ST18: variants seen among roughly 807,000 people sequenced by gnomAD.
ST18 encodes the protein suppression of tumorigenicity 18 protein.
In ST18, 50 loss-of-function variants were observed where a neutral mutation model predicts 110.0. The ratio of observed to expected loss-of-function variants is 0.45; its 90% CI spans 0.36 to 0.58. The LOEUF is 0.58. Among genes scored for constraint, ST18 ranks in the 20% least tolerant of loss-of-function variants. The pLI, the probability that ST18 is intolerant of heterozygous loss-of-function variation, is 0.00. For missense variants in ST18, 1,306 were observed against 1,280.1 expected (o/e 1.02, Z -0.31); for synonymous variants, 461 against 452.4 (o/e 1.02, Z -0.24).
intron 2 of ST18, among the ~76,000 whole-genome samples, chr8:52,247,518 TG>T (rs1405413597): frequency 6.6e-6 from 1 of 152,166 alleles, no homozygotes; most frequent in Non-Finnish European, 1.5e-5. Context: ...CCCGTAAGGA[TG>T]GGGGCAAAAT....
chr8:52,409,790 C>T (rs1374607600), upstream of ST18: 1 of 152,266 alleles, frequency 6.6e-6, no homozygotes, highest in South Asian at 2.1e-4. Flanking sequence ...GCTAACTTTG[C>T]TCTGTGTTAT....
chr8:52,385,461 G>A (rs577403813), intron 2 of ST18, among the ~76,000 whole-genome samples: 56 of 152,192 alleles, frequency 3.7e-4, no homozygotes, highest in African/African-American at 1.1e-3. Flanking sequence ...TTAGCTGGGC[G>A]TGATGGCAGG....
intron 2 of ST18, among the ~76,000 whole-genome samples, chr8:52,263,419 A>G (rs985485097): frequency 1.3e-5 from 2 of 152,184 alleles, no homozygotes; most frequent in African/African-American, 4.8e-5. Context: ...AATTTCACAG[A>G]ACATCTCTGA....
In ST18 at chr8:52,133,710, A is replaced by AATTATTATT. The variant is rs10547451; in HGVS notation, c.2301-418_2301-410dup. 4.4e-3 allele frequency among the ~76,000 whole-genome samples: 644 copies of AATTATTATT among 147,970 alleles called. 4 individuals carry two copies. The highest frequency in any genetic ancestry group is 0.014 in the African/African-American group (571 of 40,122). On this transcript the variant is annotated intron_variant, in intron 19 of 25. Coordinates refer to ENST00000689386, the MANE Select transcript of ST18 (RefSeq NM_001352837.2). ...TTTATGTAAAAAGAAAAGTTTTCCA[A>AATTATTATT]ATTATTATTATTATTATTATTATTA...
intron 8 of ST18, among the ~76,000 whole-genome samples, chr8:52,210,478 C>A (rs932784647): frequency 2.0e-5 from 3 of 151,756 alleles, no homozygotes; most frequent in Non-Finnish European, 4.4e-5. Context: ...GGCAACATAG[C>A]AAGACTCTGT....
chr8:52,353,082 C>T (rs1221561620), intron 2 of ST18, among the ~76,000 whole-genome samples: 1 of 152,136 alleles, frequency 6.6e-6, no homozygotes, highest in Non-Finnish European at 1.5e-5. Flanking sequence ...AGTGATCCAG[C>T]ATCAAGGGGT....
intron 2 of ST18, among the ~76,000 whole-genome samples, chr8:52,351,009 C>T (rs955845228): frequency 1.3e-5 from 2 of 152,108 alleles, no homozygotes; most frequent in Admixed American, 6.6e-5. Context: ...CGTGAGCCAC[C>T]GTGCCTGGCC....
chr8:52,137,395 T>C, intron 18 of ST18, 26 bp downstream of exon 18: 1 of 1,613,450 alleles, frequency 6.2e-7, no homozygotes, highest in Non-Finnish European at 8.5e-7. Context: ...CATGAAAATC[T>C]GACTGCACAT....
chr8:52,165,072 A>T, intron 12 of ST18, 63 bp downstream of exon 12: 1 of 1,505,916 alleles, frequency 6.6e-7, no homozygotes, highest in Non-Finnish European at 9.2e-7. Context: ...CCATTATTTT[A>T]TTGGTGGAAC....
intron 8 of ST18, among the ~76,000 whole-genome samples, chr8:52,186,779 AG>A (rs1412065374): frequency 1.3e-5 from 2 of 152,360 alleles, no homozygotes; most frequent in Non-Finnish European, 2.9e-5. Flanking sequence ...CATATGGTTG[AG>A]TCAAAGAATC....
At chr8:52,401,543 CTTCTT>C (rs1291020651) in intron 2 of ST18, among the ~76,000 whole-genome samples, 1 of 151,900 alleles carries the variant, frequency 6.6e-6, no homozygotes, top group East Asian at 1.9e-4. Context: ...TTTCAAAAGA[CTTCTT>C]TTCAAGTTCA....
intron 25 of ST18, among the ~76,000 whole-genome samples, chr8:52,115,944 C>T (rs1229880395): frequency 6.6e-6 from 1 of 152,124 alleles, no homozygotes; most frequent in Non-Finnish European, 1.5e-5. Flanking sequence ...TTTTGTAAGA[C>T]ATGGAATCTT....
At chr8:52,129,107 T>G (rs2048202518) in intron 22 of ST18, among the ~76,000 whole-genome samples, 1 of 152,124 alleles carries the variant, frequency 6.6e-6, no homozygotes, top group Non-Finnish European at 1.5e-5. Context: ...GGAAAGAAGA[T>G]CATCTGTGTT....
chr8:52,329,014 T>C (rs1263007503), intron 2 of ST18, among the ~76,000 whole-genome samples: 2 of 152,212 alleles, frequency 1.3e-5, no homozygotes, highest in African/African-American at 4.8e-5. Context: ...TCACCTTTTG[T>C]GCCCTGAGGA....
In ST18 at chr8:52,133,278, C is replaced by A; in HGVS notation, c.2324G>T (p.Gly775Val). 6.2e-7 allele frequency: 1 copy of A among 1,614,148 alleles called. No individual in the cohort carries two copies. Among genetic ancestry groups the A allele is most frequent in the Non-Finnish European group, 8.5e-7 (1 of 1,180,032 alleles). The change falls in exon 20 of 26, where the codon GGC (glycine) becomes GTC (valine). Residue 775 changes from glycine to valine, a missense_variant. Physicochemically the swap from Gly to Val is moderately radical, Grantham distance 109 (BLOSUM62 -3). Transcript: ENST00000689386. ...ELKCPTPGCD[G>V]SGHVTGNYAS... ...ATAGTTTCCAGTCACGTGCCCCGAG[C>A]CATCGCAGCCTGGGGTTGGACACCT...
intron 17 of ST18, among the ~76,000 whole-genome samples, chr8:52,140,578 T>C (rs1205620259): frequency 6.6e-6 from 1 of 151,628 alleles, no homozygotes; most frequent in Non-Finnish European, 1.5e-5. Context: ...GATAGATAGA[T>C]AGATAGATAG....
chr8:52,388,107 C>T (rs566182469), intron 2 of ST18, among the ~76,000 whole-genome samples: 3 of 152,092 alleles, frequency 2.0e-5, no homozygotes, highest in Admixed American at 2.0e-4. Flanking sequence ...TTCGAAAATG[C>T]GAGTTTGTTC....
chr8:52,238,431 A>G (rs2092983723), intron 2 of ST18, among the ~76,000 whole-genome samples: 1 of 152,216 alleles, frequency 6.6e-6, no homozygotes, highest in South Asian at 2.1e-4. Context: ...AACAGTAAAG[A>G]CATTTCTCAA....
At chr8:52,165,095 T>A (rs538582929) in intron 12 of ST18, 40 bp downstream of exon 12, 5 of 1,602,484 alleles carry the variant, frequency 3.1e-6, no homozygotes, top group Non-Finnish European at 4.3e-6. Flanking sequence ...TTCTACCACA[T>A]TTTTTAAATG....
Sources: allele counts gnomAD v4.1 joint callset (sites outside exome capture counted in the v4.1 genomes callset), GRCh38; gene constraint gnomAD v4.1.1; transcripts MANE v1.5; gene names NCBI Gene and HGNC (gene_info 2026-07-23, HGNC 2026-07-21).